Variants in DENND1A observed in about 807,000 individuals in gnomAD.
The protein encoded by DENND1A is DENN domain-containing protein 1A.
DENND1A carries 51 observed loss-of-function variants against 113.7 expected under a neutral mutation model. The ratio of observed to expected loss-of-function variants is 0.45; its 90% CI spans 0.36 to 0.57. The LOEUF (loss-of-function observed/expected upper bound fraction) is 0.57, where lower values mean the gene tolerates loss of function less well. Among genes scored for constraint, DENND1A ranks in the 20% least tolerant of loss-of-function variants. The pLI is 0.00. For synonymous variants in DENND1A, 565 were observed against 570.8 expected (o/e 0.99, Z 0.14); for missense variants, 1,258 against 1,395.9 (o/e 0.90, Z 1.57).
intron 7 of DENND1A, among the ~76,000 whole-genome samples, chr9:123,668,173 A>G (rs1401831377): frequency 6.6e-6 from 1 of 152,188 alleles, no homozygotes. Flanking sequence ...AGGAAAGGTC[A>G]CATGCAGAGA....
intron 1 of DENND1A, among the ~76,000 whole-genome samples, chr9:123,879,871 G>C (rs556377036): frequency 6.6e-6 from 1 of 152,170 alleles, no homozygotes; most frequent in African/African-American, 2.4e-5. Context: ...GTAAGACACT[G>C]TTCCCACATA....
At chr9:123,735,513 A>C (rs1022664960) in intron 5 of DENND1A, among the ~76,000 whole-genome samples, 2 of 152,190 alleles carry the variant, frequency 1.3e-5, no homozygotes, top group Admixed American at 1.3e-4. Flanking sequence ...AGTCCTAGTC[A>C]AAAAAGCCAG....
At chr9:123,847,928 C>T (rs1327990600) in intron 2 of DENND1A, among the ~76,000 whole-genome samples, 2 of 151,746 alleles carry the variant, frequency 1.3e-5, no homozygotes, top group African/African-American at 4.8e-5. Context: ...AGCGAGACTT[C>T]ATCTCAAAAA....
chr9:123,819,108 T>C (rs1838047816), intron 2 of DENND1A, among the ~76,000 whole-genome samples: 1 of 152,362 alleles, frequency 6.6e-6, no homozygotes, highest in African/African-American at 2.4e-5. Context: ...GTGATTATCA[T>C]GCACAGTAAA....
At position 123,919,883 on chromosome 9, in the gene DENND1A, GAAAAAAAAAAA is replaced by G. The variant is rs56784407; in HGVS notation, c.17+9995_17+10005del. On this transcript the variant is annotated intron_variant, in intron 1 of 23. Transcript: ENST00000394215. ...GGTGACAGAGTGAGACTCTGTCTCA[GAAAAAAAAAAA>G]AAAAAAAAAGGATGATATGACAACA... 1.6e-4 allele frequency among the ~76,000 whole-genome samples: 9 copies of G among 55,394 alleles called. No individual in the cohort carries two copies. In the Admixed American group the frequency reaches 2.0e-3, roughly 12 times the overall value. The allele number at this position is 55,394 out of a possible 152,430, so 36.3% of individuals were successfully genotyped here. A position where few individuals can be genotyped will look rare whatever the true frequency, so the allele number is the denominator to read the frequency against.
intron 10 of DENND1A, among the ~76,000 whole-genome samples, chr9:123,625,190 G>C (rs78701941): frequency 0.055 from 8,303 of 152,168 alleles, 248 homozygotes; most frequent in African/African-American, 0.062. Flanking sequence ...GTCTGTATCA[G>C]GAAAAGTTAC....
intron 13 of DENND1A, among the ~76,000 whole-genome samples, chr9:123,481,385 A>G (rs2050323127): frequency 6.6e-6 from 1 of 152,206 alleles, no homozygotes; most frequent in African/African-American, 2.4e-5. Flanking sequence ...GAGCGGGAGG[A>G]AGAAACAGTG....
intron 19 of DENND1A, among the ~76,000 whole-genome samples, chr9:123,436,321 G>T (rs1029857720): frequency 9.2e-5 from 14 of 152,234 alleles, no homozygotes; most frequent in African/African-American, 3.1e-4. Context: ...GAGTCTATGG[G>T]CAGCTCCAAC....
intron 2 of DENND1A, among the ~76,000 whole-genome samples, chr9:123,797,006 G>A (rs958299437): frequency 1.3e-5 from 2 of 150,702 alleles, no homozygotes; most frequent in South Asian, 2.1e-4. Flanking sequence ...CAGTTAACAC[G>A]GGAATCTACA....
intron 13 of DENND1A, among the ~76,000 whole-genome samples, chr9:123,556,711 G>A (rs1246299119): frequency 2.6e-5 from 4 of 152,222 alleles, no homozygotes. Context: ...GCTCCTGGGA[G>A]AACAGGCCTG....
At chr9:123,667,665 G>T (rs1008260959) in intron 7 of DENND1A, among the ~76,000 whole-genome samples, 18 of 152,142 alleles carry the variant, frequency 1.2e-4, no homozygotes, top group African/African-American at 4.3e-4. Context: ...CTAAACACAT[G>T]AAAAAGGCGT....
chr9:123,882,322 CAAAAAAAA>C (rs59820553), intron 1 of DENND1A, among the ~76,000 whole-genome samples: 1 of 124,390 alleles, frequency 8.0e-6, no homozygotes, highest in Middle Eastern at 4.0e-3. Flanking sequence ...AACCTTGTTT[CAAAAAAAA>C]AAAAAAAAAA....
chr9:123,740,102 C>A (rs1220227615), intron 5 of DENND1A, among the ~76,000 whole-genome samples: 1 of 152,096 alleles, frequency 6.6e-6, no homozygotes, highest in East Asian at 1.9e-4. Flanking sequence ...GGAGCACTTA[C>A]AGTGCAATCT....
chr9:123,869,998 T>C (rs1227553122), intron 2 of DENND1A, among the ~76,000 whole-genome samples: 2 of 111,346 alleles, frequency 1.8e-5, no homozygotes, highest in Non-Finnish European at 3.3e-5. Context: ...AGCAAGACCC[T>C]GTCTCAAAAA....
At chr9:123,512,290 C>T (rs371107058) in intron 13 of DENND1A, among the ~76,000 whole-genome samples, 1 of 152,172 alleles carries the variant, frequency 6.6e-6, no homozygotes, top group Non-Finnish European at 1.5e-5. Flanking sequence ...ATTTTTCCTC[C>T]GTGAATGCAG....
chr9:123,919,030 CT>C (rs933347298), intron 1 of DENND1A, among the ~76,000 whole-genome samples: 6 of 152,096 alleles, frequency 3.9e-5, no homozygotes, highest in Admixed American at 2.6e-4. Flanking sequence ...TAACCCAGTT[CT>C]TCAAAAAATA....
chr9:123,557,622 T>C lies in DENND1A; in HGVS notation c.941A>G (p.Lys314Arg). The change falls in exon 13 of 24, where the codon AAG becomes AGG. Residue 314 changes from lysine (K) to arginine (R), a missense_variant. Around this residue, in one of 2 missense-constraint regions of DENND1A, gnomAD observed 1,159 missense variants for 1,231.7 expected, o/e 0.94. Coordinates refer to ENST00000394215, the MANE Select transcript of DENND1A (RefSeq NM_001352964.2). Reference protein sequence around the residue: ...TGDGVARAFLKAQAAFFGSYR... With the variant: ...TGDGVARAFLRAQAAFFGSYR... The stretch of plus-strand genomic sequence containing the variant: ...GCTACCGAAGAAAGCAGCCTGGGCC[T>C]TGAGGAACGCTCTGGCCACACCATC... 1.2e-6 allele frequency: 2 copies of C among 1,614,054 alleles called. No individual in the cohort carries two copies. The highest frequency in any genetic ancestry group is 1.7e-6 in the Non-Finnish European group (2 of 1,179,974).
At chr9:123,416,990 C>T (rs2044780821) in intron 19 of DENND1A, among the ~76,000 whole-genome samples, 1 of 152,352 alleles carries the variant, frequency 6.6e-6, no homozygotes. Flanking sequence ...AAATAGACTT[C>T]GGGTTAGAAA....
chr9:123,401,638 G>A, intron 21 of DENND1A: 1 of 1,445,342 alleles, frequency 6.9e-7, no homozygotes, highest in Non-Finnish European at 9.1e-7. Context: ...TCCAACAGAA[G>A]TAGAAAACAG....
Sources: gnomAD v4.1 joint callset for allele counts (sites outside exome capture counted in the v4.1 genomes callset) on GRCh38, gnomAD v4.1.1 for gene constraint, gnomAD v4.1.1 regional missense constraint, MANE v1.5 for transcripts, NCBI Gene and HGNC (gene_info 2026-07-23, HGNC 2026-07-21) for gene names.